The following PUM2 variants were observed in gnomAD, a reference collection of about 807,000 sequenced individuals.
The protein encoded by PUM2 is pumilio RNA binding family member 2, also known as pumilio homolog 2.
Under a neutral mutation model 124.5 loss-of-function variants are expected in PUM2, and 57 were observed. The observed-to-expected ratio is 0.46, with a 90% CI of 0.37 to 0.57. The LOEUF is 0.57. PUM2 is among the 20% of genes least tolerant of loss of function. The pLI is 0.00. For missense variants in PUM2, 1,065 were observed against 1,290.6 expected (o/e 0.83, Z 2.68); for synonymous variants, 460 against 446.1 (o/e 1.03, Z -0.39).
At chr2:20,291,122 G>A (rs1358182088) in intron 9 of PUM2, among the ~76,000 whole-genome samples, 2 of 152,086 alleles carry the variant, frequency 1.3e-5, no homozygotes, top group Non-Finnish European at 2.9e-5. Flanking sequence ...CAACAACAGA[G>A]AAGACTCCAG....
At chr2:20,334,003 T>G (rs1042845193) in intron 1 of PUM2, among the ~76,000 whole-genome samples, 18 of 152,284 alleles carry the variant, frequency 1.2e-4, no homozygotes, top group African/African-American at 4.3e-4. Flanking sequence ...CTGTCATGAT[T>G]CTAAGTTTCC....
intron 1 of PUM2, chr2:20,350,371 G>A (rs1320902860): frequency 8.2e-6 from 6 of 730,690 alleles, no homozygotes; most frequent in East Asian, 1.3e-4. Flanking sequence ...AAGCGGGAAA[G>A]CGGCCGGCGC....
chr2:20,329,354 C>A (rs1684398532), intron 1 of PUM2, among the ~76,000 whole-genome samples: 1 of 149,138 alleles, frequency 6.7e-6, no homozygotes, highest in Non-Finnish European at 1.5e-5. Flanking sequence ...ATCACTTGAG[C>A]CCAGGAAGTG....
intron 8 of PUM2, among the ~76,000 whole-genome samples, chr2:20,294,772 TA>T (rs768155947): frequency 2.6e-5 from 4 of 152,236 alleles, no homozygotes; most frequent in African/African-American, 9.6e-5. Context: ...ATTCAACATT[TA>T]ATGAATGCCA....
rs767110525 is a variant in PUM2, at chr2:20,278,727, T to G, written c.1813A>C (p.Ile605Leu). ...AGACTATTGTAAAATGGTTGCCCTATGGGTGCTAGGCTGCTACTAGATCTT... is the reference window on the plus strand; with the variant it reads ...AGACTATTGTAAAATGGTTGCCCTAGGGGTGCTAGGCTGCTACTAGATCTT... ...YKRSSSSLAPIGQPFYNSLGF... is the reference protein window; with the variant it reads ...YKRSSSSLAPLGQPFYNSLGF... The change falls in exon 13 of 21, where the codon ATA becomes CTA. Residue 605 changes from isoleucine to leucine, a missense_variant. Around this residue, in one of 3 missense-constraint regions of PUM2, gnomAD observed 968 missense variants for 1,159.8 expected, o/e 0.83. Coordinates refer to ENST00000361078, the MANE Select transcript of PUM2 (RefSeq NM_015317.5). The G allele has an allele frequency of 6.2e-7, 1 of 1,613,614 alleles. No individual in the cohort carries two copies. Among genetic ancestry groups the G allele is most frequent in the Non-Finnish European group, 8.5e-7 (1 of 1,179,696 alleles).
intron 1 of PUM2, among the ~76,000 whole-genome samples, chr2:20,349,083 T>C (rs963316133): frequency 6.6e-6 from 1 of 152,250 alleles, no homozygotes; most frequent in East Asian, 1.9e-4. Flanking sequence ...CAGTAATTAA[T>C]TTAGGCTCTT....
At chr2:20,326,636 T>C (rs1299147275) in intron 2 of PUM2, among the ~76,000 whole-genome samples, 1 of 152,230 alleles carries the variant, frequency 6.6e-6, no homozygotes, top group East Asian at 1.9e-4. Flanking sequence ...CCTTAAAATA[T>C]ATAATGATGA....
rs1191927465 is a variant in PUM2, at chr2:20,272,303, A to G, written c.1957+6280T>C. On this transcript the variant is annotated intron_variant, in intron 13 of 20. Coordinates refer to ENST00000361078, the MANE Select transcript of PUM2 (RefSeq NM_015317.5). Reference sequence around the variant, plus strand: ...TCTGCCTCTTACTAACTTCATGAATATAAGTCACGTAATTTCTTTGAGAAT... The same window carrying G: ...TCTGCCTCTTACTAACTTCATGAATGTAAGTCACGTAATTTCTTTGAGAAT... 3.3e-5 allele frequency among the ~76,000 whole-genome samples: 5 copies of G among 152,156 alleles called. No individual in the cohort carries two copies. In the South Asian group the frequency reaches 6.2e-4, roughly 19 times the overall value.
chr2:20,305,833 A>G (rs1251791196), intron 7 of PUM2, among the ~76,000 whole-genome samples: 1 of 152,212 alleles, frequency 6.6e-6, no homozygotes, highest in Non-Finnish European at 1.5e-5. Flanking sequence ...TTAGAATGAA[A>G]TATGCAAACC....
Position 20,304,579 on chromosome 2 carries a change from G to A in PUM2, c.883+3399C>T, listed in dbSNP as rs1379560214. Among the ~76,000 whole-genome samples the A allele has an allele frequency of 2.6e-5, 4 of 152,336 alleles. No individual in the cohort carries two copies. The South Asian group carries it at 6.2e-4, about 24-fold the overall frequency. On this transcript the variant is annotated intron_variant, in intron 7 of 20. Transcript: ENST00000361078. ...TTTCATGCTTTACCAGCACAGTGGA[G>A]TGGTCGTGACCAAACCCATATGGTA...
intron 7 of PUM2, among the ~76,000 whole-genome samples, chr2:20,300,905 G>A (rs186280834): frequency 4.1e-4 from 63 of 152,144 alleles, no homozygotes; most frequent in Non-Finnish European, 6.6e-4. Context: ...AGAAAAAAGC[G>A]TATCTGATTT....
At position 20,255,169 on chromosome 2, in the gene PUM2, A is replaced by C. The variant is rs768647521; in HGVS notation, c.2748+47T>G. 3.2e-6 allele frequency: 5 copies of C among 1,543,998 alleles called. No homozygotes were observed. The South Asian group carries it at 4.7e-5, about 14-fold the overall frequency. On this transcript the variant is annotated intron_variant, in intron 18 of 20. Coordinates refer to ENST00000361078, the MANE Select transcript of PUM2 (RefSeq NM_015317.5). ...TTGTATTTCTTTTAAAAATTAAAAC[A>C]ATTTCCAAAAATATATAAACATTTC...
chr2:20,261,387 C>G (rs1267437226), intron 14 of PUM2, among the ~76,000 whole-genome samples: 6 of 72,308 alleles, frequency 8.3e-5, no homozygotes, highest in Non-Finnish European at 1.5e-4. Flanking sequence ...GAGTGAGACT[C>G]TGTCTCCAAA....
chr2:20,304,874 T>C (rs1350191886), intron 7 of PUM2, among the ~76,000 whole-genome samples: 1 of 152,248 alleles, frequency 6.6e-6, no homozygotes, highest in Admixed American at 6.5e-5. Context: ...TCACCTATTT[T>C]TTAATTTTTA....
intron 13 of PUM2, among the ~76,000 whole-genome samples, chr2:20,266,321 T>C (rs1007740098): frequency 1.3e-5 from 2 of 152,022 alleles, no homozygotes; most frequent in African/African-American, 4.8e-5. Context: ...TGTGTGCCTG[T>C]AGTCCCAGCT....
chr2:20,291,296 A>C (rs1487705738), intron 9 of PUM2, among the ~76,000 whole-genome samples: 1 of 152,210 alleles, frequency 6.6e-6, no homozygotes, highest in Non-Finnish European at 1.5e-5. Flanking sequence ...AACATCGAAG[A>C]AACTTTCCTG....
At chr2:20,336,745 G>GAT (rs1686149518) in intron 1 of PUM2, among the ~76,000 whole-genome samples, 1 of 118,220 alleles carries the variant, frequency 8.5e-6, no homozygotes, top group Non-Finnish European at 1.7e-5. Flanking sequence ...TGCCCAGGCT[G>GAT]ATCTGTGTGT....
chr2:20,300,862 G>C (rs988832573), intron 7 of PUM2, among the ~76,000 whole-genome samples: 2 of 151,434 alleles, frequency 1.3e-5, no homozygotes, highest in Admixed American at 6.6e-5. Context: ...ACAAAGGACA[G>C]GCAGAGCTCA....
intron 5 of PUM2, among the ~76,000 whole-genome samples, chr2:20,310,514 G>T (rs1455022881): frequency 6.6e-6 from 1 of 151,928 alleles, no homozygotes; most frequent in African/African-American, 2.4e-5. Context: ...CTTAGATTAG[G>T]TAATAGTGAA....
Sources: allele counts gnomAD v4.1 joint callset (sites outside exome capture counted in the v4.1 genomes callset), GRCh38; gene constraint gnomAD v4.1.1; regional missense constraint gnomAD v4.1.1; transcripts MANE v1.5; gene names NCBI Gene and HGNC (gene_info 2026-07-23, HGNC 2026-07-21).